The following TMEM132C variants were observed in gnomAD, a reference collection of about 807,000 sequenced individuals.
The protein encoded by TMEM132C is transmembrane protein 132C, also known as protein phosphatase 1, regulatory subunit 152.
A neutral mutation model predicts 61.4 loss-of-function variants in TMEM132C; 29 were observed. That is an observed-to-expected ratio of 0.47 (90% confidence interval 0.35 to 0.64). TMEM132C has a LOEUF of 0.64. Among genes scored for constraint, TMEM132C ranks in the 30% least tolerant of loss-of-function variants. The pLI is 0.00. For synonymous variants in TMEM132C, 656 were observed against 633.1 expected (o/e 1.04, Z -0.54); for missense variants, 1,408 against 1,476.9 (o/e 0.95, Z 0.76).
chr12:128,447,540 C>T (rs1202068566), intron 2 of TMEM132C, among the ~76,000 whole-genome samples: 1 of 152,050 alleles, frequency 6.6e-6, no homozygotes, highest in Non-Finnish European at 1.5e-5. Flanking sequence ...AAAATAGAAA[C>T]CCTTATGCAT....
intron 5 of TMEM132C, among the ~76,000 whole-genome samples, chr12:128,689,983 A>G (rs113289990): frequency 8.5e-5 from 13 of 152,316 alleles, no homozygotes; most frequent in African/African-American, 3.1e-4. Flanking sequence ...GCTGACCGGC[A>G]GATGCCTCTG....
intron 1 of TMEM132C, among the ~76,000 whole-genome samples, chr12:128,271,988 C>T (rs4322463): frequency 0.45 from 68,705 of 152,042 alleles, 15,864 homozygotes; most frequent in African/African-American, 0.51. Context: ...AACATCTGAT[C>T]GATAGAACAT....
intron 2 of TMEM132C, among the ~76,000 whole-genome samples, chr12:128,460,369 C>T (rs1870492433): frequency 6.6e-6 from 1 of 152,160 alleles, no homozygotes; most frequent in Admixed American, 6.5e-5. Flanking sequence ...AGCCAGGTGG[C>T]CACCAGCAAA....
At position 128,678,979 on chromosome 12, in the gene TMEM132C, ACTTAT is replaced by A. The variant is rs1413714061; in HGVS notation, c.1449+9423_1449+9427del. ...CAGACTCCTGTTATGTCTTTCTGTC[ACTTAT>A]CTTCTGAGTGATCTTGGGGAAGTCA... is the stretch of plus-strand genomic sequence containing the variant. On this transcript the variant is annotated intron_variant, in intron 5 of 8. Transcript: ENST00000435159. Among the ~76,000 whole-genome samples the A allele has an allele frequency of 2.0e-5, 3 of 152,154 alleles. No individual in the cohort carries two copies. In the East Asian group the frequency reaches 5.8e-4, roughly 29 times the overall value.
At chr12:128,315,293 G>A (rs1044167938) in intron 1 of TMEM132C, among the ~76,000 whole-genome samples, 4 of 152,144 alleles carry the variant, frequency 2.6e-5, no homozygotes, top group African/African-American at 9.7e-5. Flanking sequence ...ACGGGATGAG[G>A]CTGCAGGGGT....
At chr12:128,501,767 C>T (rs1005581682) in intron 2 of TMEM132C, among the ~76,000 whole-genome samples, 1 of 152,212 alleles carries the variant, frequency 6.6e-6, no homozygotes, top group African/African-American at 2.4e-5. Context: ...GCAGCAGCAG[C>T]AGCATCTATG....
chr12:128,562,016 G>A (rs140953025), intron 3 of TMEM132C, among the ~76,000 whole-genome samples: 5 of 152,256 alleles, frequency 3.3e-5, no homozygotes, highest in Middle Eastern at 3.4e-3. Context: ...GGAAGATACC[G>A]TCAACCAGTT....
intron 1 of TMEM132C, among the ~76,000 whole-genome samples, chr12:128,337,283 G>C (rs1282438720): frequency 1.3e-5 from 2 of 152,118 alleles, no homozygotes; most frequent in Non-Finnish European, 2.9e-5. Context: ...GACTCGATAA[G>C]AATAATTATC....
intron 2 of TMEM132C, among the ~76,000 whole-genome samples, chr12:128,443,091 A>T (rs1437168224): frequency 6.6e-6 from 1 of 152,212 alleles, no homozygotes; most frequent in Non-Finnish European, 1.5e-5. Flanking sequence ...GCTCATTAAA[A>T]AAATGGATAT....
chr12:128,433,171 T>C (rs929823860), intron 2 of TMEM132C, among the ~76,000 whole-genome samples: 1 of 152,196 alleles, frequency 6.6e-6, no homozygotes, highest in African/African-American at 2.4e-5. Flanking sequence ...AGGATAAACA[T>C]AGCTTTTATA....
Position 128,415,694 on chromosome 12 carries a change from G to C in TMEM132C, c.974+74G>C. 7.0e-7 allele frequency: 1 copy of C among 1,428,032 alleles called. No individual in the cohort carries two copies. The highest frequency in any genetic ancestry group is 1.5e-5 in the South Asian group (1 of 66,380). The allele number at this position is 1,428,032 out of a possible 1,614,324, so 88.5% of individuals were successfully genotyped here. A position where few individuals can be genotyped will look rare whatever the true frequency, so the allele number is the denominator to read the frequency against. ...GACTGGGTTCCATGCGTGGCAGATAGATATTCAGGAAGCATCGATTTTCAC... is the reference window on the plus strand; with the variant it reads ...GACTGGGTTCCATGCGTGGCAGATACATATTCAGGAAGCATCGATTTTCAC... On this transcript the variant is annotated intron_variant, in intron 2 of 8. Coordinates refer to ENST00000435159, the MANE Select transcript of TMEM132C (RefSeq NM_001136103.3). The surrounding 1 kb of genome is among the most constrained non-coding windows in gnomAD (Gnocchi z 5.8).
rs1870761339 is a variant in TMEM132C at position 128,278,376 on chromosome 12, T to G, written c.85+10889T>G. 6.6e-6 allele frequency among the ~76,000 whole-genome samples: 1 copy of G among 152,222 alleles called. No individual in the cohort carries two copies. Among genetic ancestry groups the G allele is most frequent in the African/African-American group, 2.4e-5 (1 of 41,462 alleles). On this transcript the variant is annotated intron_variant, in intron 1 of 8. Transcript: ENST00000435159. The surrounding 1 kb of genome is among the most constrained non-coding windows in gnomAD (Gnocchi z 4.2). ...GACTGAGAGAGCAGACTTTTCTCAT[T>G]TGCCTTCAAACTCAGTGTTTTCATC...
At chr12:128,639,192 ATGG>A (rs1177593995) in intron 4 of TMEM132C, among the ~76,000 whole-genome samples, 2 of 133,042 alleles carry the variant, frequency 1.5e-5, no homozygotes, top group Non-Finnish European at 3.3e-5. Flanking sequence ...GGTGATGGTG[ATGG>A]TGGGGTGATG....
At chr12:128,403,474 G>A (rs1028884985) in intron 1 of TMEM132C, among the ~76,000 whole-genome samples, 14 of 148,372 alleles carry the variant, frequency 9.4e-5, no homozygotes, top group Admixed American at 2.0e-4. Context: ...TTTTTTTTTC[G>A]CATGTGGATA....
At chr12:128,553,511 G>A (rs753596069) in intron 3 of TMEM132C, among the ~76,000 whole-genome samples, 6 of 151,998 alleles carry the variant, frequency 3.9e-5, no homozygotes, top group African/African-American at 1.2e-4. Context: ...GTAACTTAAC[G>A]TTGCCAAAGT....
At chr12:128,520,232 A>G (rs1348351987) in intron 2 of TMEM132C, among the ~76,000 whole-genome samples, 1 of 152,334 alleles carries the variant, frequency 6.6e-6, no homozygotes, top group Non-Finnish European at 1.5e-5. Flanking sequence ...TCAGCAGTCC[A>G]CGTATCACCC....
chr12:128,541,439 C>A (rs573796326), intron 2 of TMEM132C, among the ~76,000 whole-genome samples: 1 of 152,248 alleles, frequency 6.6e-6, no homozygotes, highest in African/African-American at 2.4e-5. Flanking sequence ...GCTGAAAGTC[C>A]AAACCCTCTA....
chr12:128,652,591 C>T (rs1349226345), intron 4 of TMEM132C, among the ~76,000 whole-genome samples: 1 of 152,250 alleles, frequency 6.6e-6, no homozygotes, highest in Non-Finnish European at 1.5e-5. Flanking sequence ...AATGCCTCCA[C>T]GTGCCTATAA....
chr12:128,576,380 G>A (rs903115716), intron 3 of TMEM132C, among the ~76,000 whole-genome samples: 1 of 152,190 alleles, frequency 6.6e-6, no homozygotes, highest in Admixed American at 6.5e-5. Context: ...CCATTGCAAA[G>A]GGGAGGCTGA....
Sources: gnomAD v4.1 joint callset for allele counts (sites outside exome capture counted in the v4.1 genomes callset) on GRCh38, gnomAD v4.1.1 for gene constraint, Gnocchi (gnomAD v3.1) non-coding constraint, MANE v1.5 for transcripts, NCBI Gene and HGNC (gene_info 2026-07-23, HGNC 2026-07-21) for gene names.